EXTL1: variants seen among roughly 807,000 people sequenced by gnomAD.
EXTL1 encodes the protein exostosin like glycosyltransferase 1.
A neutral mutation model predicts 64.6 loss-of-function variants in EXTL1; 43 were observed. The observed-to-expected ratio is 0.67, with a 90% CI of 0.52 to 0.86. The LOEUF is 0.86. EXTL1 is among the 40% of genes least tolerant of loss of function. The pLI is 0.00. For synonymous variants in EXTL1, 352 were observed against 360.5 expected (o/e 0.98, Z 0.27); for missense variants, 766 against 879.0 (o/e 0.87, Z 1.62).
In EXTL1 at chr1:26,031,168, C is replaced by T. The variant is rs756349651; in HGVS notation, c.1138C>T (p.Pro380Ser). 5 of 1,613,924 alleles carry T rather than the reference C, an allele frequency of 3.1e-6. No individual in the cohort carries two copies. In the East Asian group the frequency reaches 8.9e-5, roughly 29 times the overall value. ...CCGGATTTTTGGAACATCAGCTCAC[C>T]CCTCACTGCTGTGGAACAGCCCCCC... is the stretch of plus-strand genomic sequence containing the variant. ...QDRIFGTSAH[P>S]SLLWNSPPGA... Residue 380 changes from proline (P) to serine (S), a missense_variant, in exon 5 of 11, where the codon CCC (proline) becomes TCC (serine). Pro to Ser is a moderately conservative substitution (Grantham distance 74). Coordinates refer to ENST00000374280, the MANE Select transcript of EXTL1 (RefSeq NM_004455.3).
rs528275752 is a variant in EXTL1 at position 26,035,572 on chromosome 1, G to A, written c.*225G>A. The stretch of plus-strand genomic sequence containing the variant: ...CTGCGGAGGCTGAGCCCCGCGACCG[G>A]AGCGCCGCTCTCCGCTTCTCCACCC... On this transcript the variant is annotated 3_prime_UTR_variant, in exon 11 of 11. Transcript: ENST00000374280. This position sits in a 1 kb window ranked among gnomAD's most constrained non-coding sequence, Gnocchi z 5.3. The A allele has an allele frequency of 4.4e-6, 2 of 451,824 alleles. No homozygotes were observed. The highest frequency in any genetic ancestry group is 4.0e-5 in the African/African-American group (2 of 50,350). 28.0% of individuals were successfully genotyped at this position (451,824 alleles called of 1,614,324 possible).
chr1:26,026,441 G>T (rs547359153), intron 1 of EXTL1, among the ~76,000 whole-genome samples: 1 of 151,682 alleles, frequency 6.6e-6, no homozygotes, highest in East Asian at 2.0e-4. Flanking sequence ...TTACAGGCAC[G>T]CACCACTACA....
rs1280725603 is a variant in EXTL1 at position 26,029,659 on chromosome 1, C to G, written c.933C>G (p.Ile311Met). Residue 311 changes from isoleucine to methionine, a missense_variant, in exon 3 of 11, where the codon ATC (isoleucine) becomes ATG (methionine). Ile to Met is a conservative substitution (Grantham distance 10). Around this residue, in one of 3 missense-constraint regions of EXTL1, gnomAD observed 571 missense variants for 647.6 expected, o/e 0.88. Coordinates refer to ENST00000374280, the MANE Select transcript of EXTL1 (RefSeq NM_004455.3). ...GGGAGCTGCCCTTCTCCGAGGTCAT[C>G]GACTGGACCAAGGCAGCCATCGTAG... ...PRWELPFSEV[I>M]DWTKAAIVAD... The G allele has an allele frequency of 5.6e-6, 9 of 1,612,340 alleles. No individual in the cohort carries two copies. The highest frequency in any genetic ancestry group is 1.7e-4 in the Middle Eastern group (1 of 5,898).
At position 26,033,567 on chromosome 1, in the gene EXTL1, T is replaced by C. The variant is rs2050309756; in HGVS notation, c.1519-129T>C. 1 of 947,966 alleles carries C rather than the reference T, an allele frequency of 1.1e-6. No homozygotes were observed. The highest frequency in any genetic ancestry group is 1.6e-6 in the Non-Finnish European group (1 of 613,552). The allele number at this position is 947,966 out of a possible 1,614,324, so 58.7% of individuals were successfully genotyped here. On this transcript the variant is annotated intron_variant, in intron 8 of 10. Coordinates refer to ENST00000374280, the MANE Select transcript of EXTL1 (RefSeq NM_004455.3). This position sits in a 1 kb window ranked among gnomAD's most constrained non-coding sequence, Gnocchi z 5.1. ...CCACACTTCCAGCCAATTCCAAGTC[T>C]TGGCTCCCGCGCCCTCTCCCCTGAG...
intron 1 of EXTL1, among the ~76,000 whole-genome samples, chr1:26,026,588 C>G (rs1366175444): frequency 6.6e-6 from 1 of 152,160 alleles, no homozygotes; most frequent in Non-Finnish European, 1.5e-5. Context: ...GCCACGGCGC[C>G]CAGCAGAAAA....
intron 6 of EXTL1, 76 bp from the exon 7 acceptor site, chr1:26,032,320 A>C (rs2050295853): frequency 2.1e-6 from 2 of 940,998 alleles, no homozygotes; most frequent in Non-Finnish European, 3.3e-6. Context: ...CCACCTTGAG[A>C]AAGATCACTC....
intron 4 of EXTL1, 44 bp downstream of exon 4, chr1:26,030,639 C>A: frequency 6.3e-7 from 1 of 1,577,106 alleles, no homozygotes; most frequent in South Asian, 1.1e-5. Context: ...TTGACTCCTG[C>A]TTCATCCCTG....
rs550460333 is a variant in EXTL1 at position 26,035,423 on chromosome 1, G to A, written c.*76G>A. The A allele has an allele frequency of 6.0e-5, 83 of 1,375,962 alleles. No individual in the cohort carries two copies. Among genetic ancestry groups the A allele is most frequent in the Admixed American group, 1.2e-4 (5 of 40,496 alleles). 85.2% of individuals were successfully genotyped at this position (1,375,962 alleles called of 1,614,324 possible). A position where few individuals can be genotyped will look rare whatever the true frequency, so the allele number is the denominator to read the frequency against. On this transcript the variant is annotated 3_prime_UTR_variant, in exon 11 of 11. Transcript: ENST00000374280. This position sits in a 1 kb window ranked among gnomAD's most constrained non-coding sequence, Gnocchi z 5.3. The stretch of plus-strand genomic sequence containing the variant: ...GGCCCGGCGCCTGCCGGCGGGCTCC[G>A]CTCTTGGGACACCGGAGAACCTATC...
In EXTL1 at chr1:26,035,499, G is replaced by A. The variant is rs2050330333; in HGVS notation, c.*152G>A. 3.2e-6 allele frequency: 2 copies of A among 633,548 alleles called. No individual in the cohort carries two copies. The highest frequency in any genetic ancestry group is 5.3e-6 in the Non-Finnish European group (2 of 377,818). The allele number at this position is 633,548 out of a possible 1,614,324, so 39.2% of individuals were successfully genotyped here. On this transcript the variant is annotated 3_prime_UTR_variant, in exon 11 of 11. Transcript: ENST00000374280. This position sits in a 1 kb window ranked among gnomAD's most constrained non-coding sequence, Gnocchi z 5.3. ...GGACCCCGGTTGGCCAATCACAACA[G>A]GGGGGCGTGGCCTTACCTTCTCCTG... is the stretch of plus-strand genomic sequence containing the variant.
chr1:26,035,597 C>T lies in EXTL1; in HGVS notation c.*250C>T. ...GAGCGCCGCTCTCCGCTTCTCCACC[C>T]AGCTAACTTCTGCTCGTCTTTCAGA... is the stretch of plus-strand genomic sequence containing the variant. On this transcript the variant is annotated 3_prime_UTR_variant, in exon 11 of 11. Transcript: ENST00000374280. The surrounding 1 kb of genome is among the most constrained non-coding windows in gnomAD (Gnocchi z 5.3). The T allele has an allele frequency of 2.3e-6, 1 of 440,070 alleles. No homozygotes were observed. The highest frequency in any genetic ancestry group is 3.4e-5 in the East Asian group (1 of 29,836). The allele number at this position is 440,070 out of a possible 1,614,324, so 27.3% of individuals were successfully genotyped here. A position where few individuals can be genotyped will look rare whatever the true frequency, so the allele number is the denominator to read the frequency against.
intron 1 of EXTL1, among the ~76,000 whole-genome samples, chr1:26,027,689 T>TAAAAAAA (rs61364586): frequency 7.0e-5 from 4 of 57,068 alleles, no homozygotes; most frequent in African/African-American, 2.0e-4. Flanking sequence ...ACCCCATCTC[T>TAAAAAAA]AAAAAAAAAA....
rs2050341394 is a variant in EXTL1 at position 26,036,397 on chromosome 1, C to T, written c.*1050C>T. On this transcript the variant is annotated 3_prime_UTR_variant, in exon 11 of 11. Coordinates refer to ENST00000374280, the MANE Select transcript of EXTL1 (RefSeq NM_004455.3). The surrounding 1 kb of genome is among the most constrained non-coding windows in gnomAD (Gnocchi z 5.2). Reference sequence around the variant, plus strand: ...ACTAGGTCCTCCGGGGTTCACCCACCTGGAGCTGGAATTATCACTTCCGAA... The same window carrying T: ...ACTAGGTCCTCCGGGGTTCACCCACTTGGAGCTGGAATTATCACTTCCGAA... 1 of 152,348 alleles carries T rather than the reference C, an allele frequency of 6.6e-6. No homozygotes were observed. Among genetic ancestry groups the T allele is most frequent in the African/African-American group, 2.4e-5 (1 of 41,538 alleles). 9.4% of individuals were successfully genotyped at this position (152,348 alleles called of 1,614,324 possible).
chr1:26,022,670 G>T lies in EXTL1; in HGVS notation c.24G>T (p.Lys8Asn), dbSNP rs2050163722. ...ACATGCAGTCGTGGAGGAGAAGAAAGTCCCTGTGGCTGGCACTGTCAGCCT... is the reference window on the plus strand; with the variant it reads ...ACATGCAGTCGTGGAGGAGAAGAAATTCCCTGTGGCTGGCACTGTCAGCCT... Reference protein sequence around the residue: MQSWRRRKSLWLALSASW... With the variant: MQSWRRRNSLWLALSASW... Residue 8 changes from lysine (K) to asparagine (N), a missense_variant, in exon 1 of 11, where the codon AAG becomes AAT. This residue lies in a region of EXTL1 where 571 missense variants were observed against 647.6 expected (regional missense o/e 0.88). Coordinates refer to ENST00000374280, the MANE Select transcript of EXTL1 (RefSeq NM_004455.3). 4 of 1,606,258 alleles carry T rather than the reference G, an allele frequency of 2.5e-6. No individual in the cohort carries two copies. In the East Asian group the frequency reaches 6.7e-5, roughly 27 times the overall value.
chr1:26,023,095 C>A lies in EXTL1; in HGVS notation c.449C>A (p.Pro150His). 6.2e-7 allele frequency: 1 copy of A among 1,613,722 alleles called. No individual in the cohort carries two copies. The change falls in exon 1 of 11, where the codon CCT becomes CAT. Residue 150 changes from proline (P) to histidine (H), a missense_variant. Pro to His is a moderately conservative substitution (Grantham distance 77). This residue lies in a region of EXTL1 where 571 missense variants were observed against 647.6 expected (regional missense o/e 0.88). Coordinates refer to ENST00000374280, the MANE Select transcript of EXTL1 (RefSeq NM_004455.3). ...DAQTGECSSM[P>H]LQWNRGRNHL... ...CAGACTGGAGAGTGCAGCTCAATGC[C>A]TCTGCAATGGAACAGGGGCAGGAAC...
In EXTL1 at chr1:26,035,302, G is replaced by A. The variant is rs756949036; in HGVS notation, c.1986G>A (p.Pro662=). Reference sequence around the variant, plus strand: ...TGGACCCGGTGCTGTTTAAGGACCCGGTGTCCGTGCAGCGCAAGAAGTACC... The same window carrying A: ...TGGACCCGGTGCTGTTTAAGGACCCAGTGTCCGTGCAGCGCAAGAAGTACC... ...LRLDPVLFKD[P]VSVQRKKYRS... is the part of the protein sequence containing the mutation. The change falls in exon 11 of 11, where the codon CCG becomes CCA. Residue 662 remains proline (P), a synonymous_variant. Coordinates refer to ENST00000374280, the MANE Select transcript of EXTL1 (RefSeq NM_004455.3). This position sits in a 1 kb window ranked among gnomAD's most constrained non-coding sequence, Gnocchi z 5.3. 6.2e-7 allele frequency: 1 copy of A among 1,613,212 alleles called. No homozygotes were observed. Among genetic ancestry groups the A allele is most frequent in the Admixed American group, 1.7e-5 (1 of 60,020 alleles).
intron 4 of EXTL1, 87 bp downstream of exon 4, chr1:26,030,682 G>T: frequency 1.4e-6 from 2 of 1,437,678 alleles, no homozygotes; most frequent in Non-Finnish European, 9.3e-7. Flanking sequence ...CACAGTGTTT[G>T]GGGAACCCCC....
rs1033344674 is a variant in EXTL1, at chr1:26,031,183, A to G, written c.1153A>G (p.Asn385Asp). The G allele has an allele frequency of 3.1e-6, 5 of 1,613,950 alleles. No homozygotes were observed. The highest frequency in any genetic ancestry group is 3.4e-6 in the Non-Finnish European group (4 of 1,179,936). ...ATCAGCTCACCCCTCACTGCTGTGG[A>G]ACAGCCCCCCAGGGGCACTCCTGGC... Reference protein sequence around the residue: ...GTSAHPSLLWNSPPGALLALS... With the variant: ...GTSAHPSLLWDSPPGALLALS... The change falls in exon 5 of 11, where the codon AAC (asparagine) becomes GAC (aspartate). Residue 385 changes from asparagine to aspartate, a missense_variant. Asn to Asp is a conservative substitution (Grantham distance 23). This residue lies in a region of EXTL1 where 571 missense variants were observed against 647.6 expected (regional missense o/e 0.88). Transcript: ENST00000374280.
intron 5 of EXTL1, 77 bp from the exon 6 acceptor site, chr1:26,031,383 G>T: frequency 7.2e-7 from 1 of 1,391,840 alleles, no homozygotes; most frequent in South Asian, 1.3e-5. Context: ...CCTGGCCCCC[G>T]GGGATTCCCT....
Position 26,022,365 on chromosome 1 carries a change from G to A in EXTL1, c.-282G>A. 2.5e-6 allele frequency: 1 copy of A among 395,032 alleles called. No homozygotes were observed. The highest frequency in any genetic ancestry group is 4.5e-6 in the Non-Finnish European group (1 of 220,574). The allele number at this position is 395,032 out of a possible 1,614,324, so 24.5% of individuals were successfully genotyped here. A position where few individuals can be genotyped will look rare whatever the true frequency, so the allele number is the denominator to read the frequency against. On this transcript the variant is annotated 5_prime_UTR_variant, in exon 1 of 11. Transcript: ENST00000374280. ...AGGGGTCCCTGCTGGGAGGGAAAAG[G>A]CTGGCTTGGTTGTCCAAAGGCCGAG...
Sources: gnomAD v4.1 joint callset for allele counts (sites outside exome capture counted in the v4.1 genomes callset) on GRCh38, gnomAD v4.1.1 for gene constraint, gnomAD v4.1.1 regional missense constraint, Gnocchi (gnomAD v3.1) non-coding constraint, MANE v1.5 for transcripts, NCBI Gene and HGNC (gene_info 2026-07-23, HGNC 2026-07-21) for gene names.